The following ZC3HC1 variants were observed in gnomAD, a reference collection of about 807,000 sequenced individuals.
ZC3HC1 encodes the protein zinc finger C3HC-type containing 1, also known as zinc finger C3HC-type protein 1.
ZC3HC1 carries 38 observed loss-of-function variants against 61.9 expected under a neutral mutation model. That is an observed-to-expected ratio of 0.61 (90% CI 0.47 to 0.81). ZC3HC1 has a LOEUF of 0.81. Among genes scored for constraint, ZC3HC1 ranks in the 30% least tolerant of loss-of-function variants. The probability of loss-of-function intolerance (pLI) is 0.00; values close to 1 mark genes in which losing one functional copy is unlikely to be tolerated. For synonymous variants in ZC3HC1, 213 were observed against 229.9 expected (o/e 0.93, Z 0.67); for missense variants, 554 against 622.7 (o/e 0.89, Z 1.17).
chr7:130,028,933 G>A lies in ZC3HC1; in HGVS notation c.590C>T (p.Pro197Leu). 1 of 1,613,694 alleles carries A rather than the reference G, an allele frequency of 6.2e-7. No individual in the cohort carries two copies. The highest frequency in any genetic ancestry group is 1.1e-5 in the South Asian group (1 of 91,062). Residue 197 changes from proline to leucine, a missense_variant, in exon 5 of 10, where the codon CCT becomes CTT. Coordinates refer to ENST00000358303, the MANE Select transcript of ZC3HC1 (RefSeq NM_016478.5). ...QSLCHLDLQL[P>L]SLRPEDLKTM... ...TTTCAAGTCCTCCGGCCTTAGGGAA[G>A]GAAGCTGGAGGTCCAAGTGACAAAG...
At chr7:130,046,176 G>A (rs1427745162) in intron 2 of ZC3HC1, among the ~76,000 whole-genome samples, 1 of 152,152 alleles carries the variant, frequency 6.6e-6, no homozygotes, top group Non-Finnish European at 1.5e-5. Context: ...GAAAGCATCA[G>A]GAGGAATAGC....
chr7:130,048,470 T>G (rs1171011573), intron 2 of ZC3HC1, among the ~76,000 whole-genome samples: 1 of 152,154 alleles, frequency 6.6e-6, no homozygotes, highest in Non-Finnish European at 1.5e-5. Context: ...GGATTCCTGA[T>G]CCACAGAAAT....
chr7:130,035,403 A>C (rs1375615197), intron 4 of ZC3HC1, among the ~76,000 whole-genome samples: 2 of 151,830 alleles, frequency 1.3e-5, no homozygotes, highest in Non-Finnish European at 2.9e-5. Flanking sequence ...AAAAAAAAAA[A>C]AAAAACAGCC....
chr7:130,018,652 G>A lies in ZC3HC1; in HGVS notation c.*12C>T, dbSNP rs762239843. ...TCATTCCAGCTATCTCCAGGAAGGC[G>A]CTGGAGTATCTTCAGCATGAGCACA... On this transcript the variant is annotated 3_prime_UTR_variant, in exon 10 of 10. Transcript: ENST00000358303. 9 of 1,602,614 alleles carry A rather than the reference G, an allele frequency of 5.6e-6. No individual in the cohort carries two copies. The highest frequency in any genetic ancestry group is 2.7e-5 in the African/African-American group (2 of 74,798).
Position 130,040,983 on chromosome 7 carries a change from GCA to G in ZC3HC1, c.375_376del (p.Ala126GlnfsTer7). ...AAAGTCAAAAGCTGGTTGTAAACTG[GCA>G]CAGAGAAAAGCTTGACAGCTAGAGC... On this transcript the variant is annotated frameshift_variant, in exon 3 of 10. Transcript: ENST00000358303. LOFTEE classifies it high-confidence loss of function. 1 of 1,612,816 alleles carries G rather than the reference GCA, an allele frequency of 6.2e-7. No individual in the cohort carries two copies. Among genetic ancestry groups the G allele is most frequent in the Non-Finnish European group, 8.5e-7 (1 of 1,179,736 alleles).
rs1188284910 is a variant in ZC3HC1 at position 130,024,323 on chromosome 7, T to TTCA, written c.957_959dup (p.Pro319_Glu320insAsp). The TTCA allele has an allele frequency of 6.2e-7, 1 of 1,614,074 alleles. No individual in the cohort carries two copies. Among genetic ancestry groups the TTCA allele is most frequent in the Non-Finnish European group, 8.5e-7 (1 of 1,180,004 alleles). On this transcript the variant is annotated inframe_insertion, in exon 7 of 10. Transcript: ENST00000358303. ...TCCGGGTCATCATCCTCCGAGGAGA[T>TTCA]TCAGGCACCAGAGGTAAGCGCTCTG...
intron 2 of ZC3HC1, 87 bp from the exon 3 acceptor site, chr7:130,041,188 T>A (rs1415344907): frequency 2.2e-5 from 30 of 1,385,958 alleles, no homozygotes; most frequent in Non-Finnish European, 2.8e-5. Flanking sequence ...ATACACATAC[T>A]GTTTTTTTTT....
At chr7:130,033,343 T>C (rs1262316764) in intron 4 of ZC3HC1, among the ~76,000 whole-genome samples, 1 of 152,122 alleles carries the variant, frequency 6.6e-6, no homozygotes, top group Non-Finnish European at 1.5e-5. Context: ...GTAATGATTA[T>C]TCTCTTATTT....
intron 4 of ZC3HC1, among the ~76,000 whole-genome samples, chr7:130,035,283 CGG>C (rs1418966405): frequency 6.7e-6 from 1 of 148,440 alleles, no homozygotes; most frequent in Non-Finnish European, 1.5e-5. Context: ...CCCAGGTACT[CGG>C]GGGTGCTGAG....
At chr7:130,045,796 C>T (rs1794839557) in intron 2 of ZC3HC1, among the ~76,000 whole-genome samples, 2 of 146,062 alleles carry the variant, frequency 1.4e-5, no homozygotes, top group South Asian at 4.3e-4. Flanking sequence ...GAGGCTGAGG[C>T]AGGAGAATCG....
chr7:130,030,195 CTTTT>C (rs58731959), intron 4 of ZC3HC1, among the ~76,000 whole-genome samples: 2 of 115,486 alleles, frequency 1.7e-5, no homozygotes, highest in Non-Finnish European at 3.6e-5. Flanking sequence ...CTGAATCAGC[CTTTT>C]TTTTTTTTTT....
At chr7:130,020,255 A>AAAT (rs1254978336) in intron 9 of ZC3HC1, among the ~76,000 whole-genome samples, 2 of 152,062 alleles carry the variant, frequency 1.3e-5, no homozygotes, top group Non-Finnish European at 2.9e-5. Flanking sequence ...TGAGTTGAAA[A>AAAT]AATAGTATAC....
chr7:130,042,808 G>A (rs13237743), intron 2 of ZC3HC1, among the ~76,000 whole-genome samples: 105,436 of 151,940 alleles, frequency 0.69, 37,211 homozygotes, highest in East Asian at 0.99. Context: ...TCAGCCTCCC[G>A]AGTAGCTGGG....
At chr7:130,042,201 G>C (rs529442556) in intron 2 of ZC3HC1, among the ~76,000 whole-genome samples, 3 of 151,590 alleles carry the variant, frequency 2.0e-5, no homozygotes, top group Non-Finnish European at 4.4e-5. Flanking sequence ...TAATTGAGAG[G>C]CTGAGGGAGG....
In ZC3HC1 at chr7:130,023,686, C is replaced by T. The variant is rs756680606; in HGVS notation, c.1058G>A (p.Arg353Gln). 1.5e-5 allele frequency: 24 copies of T among 1,614,064 alleles called. No individual in the cohort carries two copies. Among genetic ancestry groups the T allele is most frequent in the Middle Eastern group, 3.3e-4 (2 of 6,058 alleles). The change falls in exon 8 of 10, where the codon CGG becomes CAG. Residue 353 changes from arginine (R) to glutamine (Q), a missense_variant. Physicochemically the swap from Arg to Gln is conservative, Grantham distance 43. Transcript: ENST00000358303. This position sits in a 1 kb window ranked among gnomAD's most constrained non-coding sequence, Gnocchi z 4.2. ...AACAGGACTGGAAGAGTCCCAGCTC[C>T]GAGTTCGAGAGACAATGGGACCAGG... ...KSPGPIVSRTRSWDSSSPVDR... is the reference protein window; with the variant it reads ...KSPGPIVSRTQSWDSSSPVDR...
chr7:130,022,213 G>A (rs987792179), intron 9 of ZC3HC1, 106 bp downstream of exon 9: 57 of 1,388,352 alleles, frequency 4.1e-5, no homozygotes, highest in Non-Finnish European at 5.2e-5. Flanking sequence ...ATAACTTGAC[G>A]TATGAAAGCT....
chr7:130,043,420 G>A (rs1794754533), intron 2 of ZC3HC1: 1 of 153,176 alleles, frequency 6.5e-6, no homozygotes, highest in South Asian at 2.0e-4. Flanking sequence ...ATCAGCAAAG[G>A]AAGAATGAAG....
At chr7:130,050,708 T>A (rs1795041722) in intron 1 of ZC3HC1, among the ~76,000 whole-genome samples, 2 of 152,192 alleles carry the variant, frequency 1.3e-5, no homozygotes, top group Admixed American at 1.3e-4. Context: ...CATCACTACT[T>A]CAAAATTATG....
chr7:130,021,583 G>A (rs3807124), intron 9 of ZC3HC1, among the ~76,000 whole-genome samples: 22 of 152,234 alleles, frequency 1.4e-4, no homozygotes, highest in East Asian at 5.8e-4. Context: ...TGTGCCCAGC[G>A]TGCGGAATGA....
Sources: gnomAD v4.1 joint callset for allele counts (sites outside exome capture counted in the v4.1 genomes callset) on GRCh38, gnomAD v4.1.1 for gene constraint, Gnocchi (gnomAD v3.1) non-coding constraint, MANE v1.5 for transcripts, NCBI Gene and HGNC (gene_info 2026-07-23, HGNC 2026-07-21) for gene names.